The following VIPR2 variants were observed in gnomAD, a reference collection of about 807,000 sequenced individuals.
VIPR2 encodes the protein vasoactive intestinal peptide receptor 2.
Under a neutral mutation model 58.0 loss-of-function variants are expected in VIPR2, and 48 were observed. The ratio of observed to expected loss-of-function variants is 0.83; its 90% CI spans 0.66 to 1.05. The LOEUF (loss-of-function observed/expected upper bound fraction) is 1.05. Ranked by LOEUF, VIPR2 falls within the 50% of genes least tolerant of loss-of-function variation. The probability of loss-of-function intolerance (pLI) is 0.00; values close to 1 mark genes in which losing one functional copy is unlikely to be tolerated. For synonymous variants in VIPR2, 243 were observed against 235.2 expected (o/e 1.03, Z -0.30); for missense variants, 534 against 558.0 (o/e 0.96, Z 0.43).
chr7:159,080,770 C>G (rs1017083297), intron 4 of VIPR2, among the ~76,000 whole-genome samples: 1 of 152,150 alleles, frequency 6.6e-6, no homozygotes, highest in South Asian at 2.1e-4. Flanking sequence ...TCAGCAAAGT[C>G]TCAGGATACA....
At chr7:159,091,686 C>T (rs1857513433) in intron 4 of VIPR2, among the ~76,000 whole-genome samples, 1 of 152,178 alleles carries the variant, frequency 6.6e-6, no homozygotes, top group African/African-American at 2.4e-5. Flanking sequence ...TCCTGTGGTT[C>T]CCGGGACGCG....
At chr7:159,111,432 C>T (rs112899917) in intron 2 of VIPR2, among the ~76,000 whole-genome samples, 26 of 152,234 alleles carry the variant, frequency 1.7e-4, no homozygotes, top group South Asian at 6.2e-4. Context: ...GTAATCCCAG[C>T]GCTTTGGGAG....
At chr7:159,112,343 G>A (rs1796048352) in intron 2 of VIPR2, among the ~76,000 whole-genome samples, 1 of 152,236 alleles carries the variant, frequency 6.6e-6, no homozygotes, top group Non-Finnish European at 1.5e-5. Context: ...GGTAGCAGCC[G>A]GAAGTGCAGC....
intron 5 of VIPR2, among the ~76,000 whole-genome samples, chr7:159,054,383 A>G (rs912348100): frequency 1.3e-4 from 20 of 152,208 alleles, no homozygotes; most frequent in African/African-American, 4.8e-4. Flanking sequence ...TCCAAAGACC[A>G]CGAAGAGAGC....
intron 12 of VIPR2, 98 bp from the exon 13 acceptor site, chr7:159,030,887 CCTGCTCCCGT>C (rs1853524159): frequency 7.3e-7 from 1 of 1,373,356 alleles, no homozygotes; most frequent in Non-Finnish European, 9.5e-7. Context: ...CTCCCTCCCG[CCTGCTCCCGT>C]ATCTGTGTTG....
At chr7:159,088,270 C>T (rs980348363) in intron 4 of VIPR2, among the ~76,000 whole-genome samples, 20 of 152,174 alleles carry the variant, frequency 1.3e-4, no homozygotes, top group African/African-American at 4.8e-4. Flanking sequence ...CACAGCCACG[C>T]ACCTGCGACA....
intron 1 of VIPR2, 114 bp from the exon 2 acceptor site, chr7:159,142,659 C>A: frequency 1.5e-6 from 1 of 660,206 alleles, no homozygotes; most frequent in Non-Finnish European, 2.5e-6. Flanking sequence ...TGCTTCCAAA[C>A]CAAAATGCAT....
At chr7:159,144,598 C>A (rs1223477680) in intron 1 of VIPR2, 123 bp downstream of exon 1, 1 of 1,388,186 alleles carries the variant, frequency 7.2e-7, no homozygotes, top group Admixed American at 3.1e-5. Flanking sequence ...CGCTCCCTCT[C>A]CCGGACCCCG....
intron 2 of VIPR2, among the ~76,000 whole-genome samples, chr7:159,112,259 A>T (rs1796043223): frequency 6.6e-6 from 1 of 152,186 alleles, no homozygotes; most frequent in South Asian, 2.1e-4. Flanking sequence ...ATTGGACCGC[A>T]CGTGAGGGAG....
intron 2 of VIPR2, among the ~76,000 whole-genome samples, chr7:159,120,384 C>G (rs1796411917): frequency 6.7e-6 from 1 of 149,600 alleles, no homozygotes; most frequent in African/African-American, 2.5e-5. Flanking sequence ...GGGCTGCCCA[C>G]CACACCTGGA....
chr7:159,035,627 A>G (rs1480020932), intron 8 of VIPR2: 2 of 954,162 alleles, frequency 2.1e-6, no homozygotes, highest in South Asian at 4.8e-5. Flanking sequence ...CTCCGGGTAA[A>G]CAACATGCAG....
chr7:159,144,528 CGG>C (rs2129498833), intron 1 of VIPR2, 191 bp downstream of exon 1: 1 of 1,518,654 alleles, frequency 6.6e-7, no homozygotes, highest in Non-Finnish European at 8.9e-7. Context: ...CGCAACCCGG[CGG>C]GACCGGAGCT....
At chr7:159,120,916 A>G (rs1796429968) in intron 2 of VIPR2, among the ~76,000 whole-genome samples, 1 of 152,220 alleles carries the variant, frequency 6.6e-6, no homozygotes, top group Non-Finnish European at 1.5e-5. Flanking sequence ...AAACTTTAAC[A>G]TTTAAGCTTG....
At position 159,144,714 on chromosome 7, in the gene VIPR2, C is replaced by T; in HGVS notation, c.51+7G>A. 7.5e-7 allele frequency: 1 copy of T among 1,330,500 alleles called. No individual in the cohort carries two copies. The highest frequency in any genetic ancestry group is 3.1e-5 in the East Asian group (1 of 32,184). 82.4% of individuals were successfully genotyped at this position (1,330,500 alleles called of 1,614,324 possible). ...CGCCGTGGGGCGGGGGTCGCGGGCGCACTCACGGGGGCGAGCAGCCAGCAG... is the reference window on the plus strand; with the variant it reads ...CGCCGTGGGGCGGGGGTCGCGGGCGTACTCACGGGGGCGAGCAGCCAGCAG... On this transcript the variant is annotated splice_region_variant and intron_variant, in intron 1 of 12. Coordinates refer to ENST00000262178, the MANE Select transcript of VIPR2 (RefSeq NM_003382.5).
chr7:159,031,572 G>C lies in VIPR2; in HGVS notation c.1143+256C>G. On this transcript the variant is annotated intron_variant, in intron 12 of 12. Transcript: ENST00000262178. The surrounding 1 kb of genome is among the most constrained non-coding windows in gnomAD (Gnocchi z 4.0). The stretch of plus-strand genomic sequence containing the variant: ...GACCCGGCCGGGAGCTTTCCCGAGA[G>C]GGCTCCGAGACGGACGGCAGTCGAT... 1 of 985,404 alleles carries C rather than the reference G, an allele frequency of 1.0e-6. No individual in the cohort carries two copies. Among genetic ancestry groups the C allele is most frequent in the Non-Finnish European group, 1.2e-6 (1 of 829,934 alleles). The allele number at this position is 985,404 out of a possible 1,614,324, so 61.0% of individuals were successfully genotyped here.
intron 2 of VIPR2, among the ~76,000 whole-genome samples, chr7:159,112,845 C>T (rs1425917826): frequency 1.3e-5 from 2 of 151,954 alleles, no homozygotes; most frequent in African/African-American, 2.4e-5. Flanking sequence ...TACCTGGGAC[C>T]GACCCTGACT....
chr7:159,043,757 C>G (rs567922460), intron 5 of VIPR2, among the ~76,000 whole-genome samples: 10 of 152,274 alleles, frequency 6.6e-5, no homozygotes, highest in African/African-American at 2.2e-4. Context: ...TTTGACCTTT[C>G]TGTGGGTTCT....
At position 159,031,451 on chromosome 7, in the gene VIPR2, G is replaced by A; in HGVS notation, c.1143+377C>T. The A allele has an allele frequency of 1.0e-6, 1 of 985,396 alleles. No individual in the cohort carries two copies. The highest frequency in any genetic ancestry group is 1.2e-6 in the Non-Finnish European group (1 of 829,888). 61.0% of individuals were successfully genotyped at this position (985,396 alleles called of 1,614,324 possible). ...TCCCCAGGGACTCACAGGACGCTGTGCAGCCCCACCCCCCAACCCAGGCCC... is the reference window on the plus strand; with the variant it reads ...TCCCCAGGGACTCACAGGACGCTGTACAGCCCCACCCCCCAACCCAGGCCC... On this transcript the variant is annotated intron_variant, in intron 12 of 12. Coordinates refer to ENST00000262178, the MANE Select transcript of VIPR2 (RefSeq NM_003382.5). This position sits in a 1 kb window ranked among gnomAD's most constrained non-coding sequence, Gnocchi z 4.0.
At chr7:159,125,739 C>T (rs1289184855) in intron 2 of VIPR2, among the ~76,000 whole-genome samples, 2 of 152,174 alleles carry the variant, frequency 1.3e-5, no homozygotes, top group African/African-American at 4.8e-5. Flanking sequence ...CAAAATAACA[C>T]CATTCCTGGA....
Sources: allele counts gnomAD v4.1 joint callset (sites outside exome capture counted in the v4.1 genomes callset), GRCh38; gene constraint gnomAD v4.1.1; non-coding constraint Gnocchi (gnomAD v3.1); transcripts MANE v1.5; gene names NCBI Gene and HGNC (gene_info 2026-07-23, HGNC 2026-07-21).